SLC44A5: variants seen among roughly 807,000 people sequenced by gnomAD.
SLC44A5 encodes choline transporter-like protein 5.
Under a neutral mutation model 101.8 loss-of-function variants are expected in SLC44A5, and 57 were observed. The ratio of observed to expected loss-of-function variants is 0.56; its 90% CI spans 0.45 to 0.70. The LOEUF is 0.70. Among genes scored for constraint, SLC44A5 ranks in the 30% least tolerant of loss-of-function variants. The pLI is 0.00. For missense variants in SLC44A5, 737 were observed against 853.1 expected (o/e 0.86, Z 1.70); for synonymous variants, 281 against 290.9 (o/e 0.97, Z 0.35).
At chr1:75,306,516 C>T (rs960824029) in intron 4 of SLC44A5, among the ~76,000 whole-genome samples, 1 of 151,770 alleles carries the variant, frequency 6.6e-6, no homozygotes, top group African/African-American at 2.4e-5. Flanking sequence ...GCTATCTGGA[C>T]ATTGCTATCT....
At chr1:75,709,133 G>A in the SLC44A5 span, among the ~76,000 whole-genome samples, 1 of 151,686 alleles carries the variant, frequency 6.6e-6, no homozygotes, top group South Asian at 2.1e-4. Flanking sequence ...GATTCTCCTG[G>A]TTGAAACTTT....
At chr1:75,395,764 C>G (rs564877334) in intron 3 of SLC44A5, among the ~76,000 whole-genome samples, 1 of 152,018 alleles carries the variant, frequency 6.6e-6, no homozygotes, top group Non-Finnish European at 1.5e-5. Context: ...TTAACATATC[C>G]ATCACCTTGC....
At chr1:75,544,928 T>G (rs1171035780) in intron 1 of SLC44A5, among the ~76,000 whole-genome samples, 1 of 152,138 alleles carries the variant, frequency 6.6e-6, no homozygotes, top group Admixed American at 6.6e-5. Context: ...CATAGGTGTA[T>G]ACACGTGCCA....
At chr1:75,360,292 T>C (rs190844739) in intron 3 of SLC44A5, among the ~76,000 whole-genome samples, 1 of 152,278 alleles carries the variant, frequency 6.6e-6, no homozygotes, top group East Asian at 1.9e-4. Flanking sequence ...AGTAGTTTTA[T>C]AGTTTCAGGT....
intron 1 of SLC44A5, among the ~76,000 whole-genome samples, chr1:75,581,265 T>A (rs1043655400): frequency 6.6e-6 from 1 of 152,178 alleles, no homozygotes; most frequent in African/African-American, 2.4e-5. Flanking sequence ...TATTATACTA[T>A]ATGATCAAGC....
At chr1:75,600,363 T>A (rs1269095836) in intron 1 of SLC44A5, among the ~76,000 whole-genome samples, 1 of 152,206 alleles carries the variant, frequency 6.6e-6, no homozygotes, top group Admixed American at 6.5e-5. Context: ...GTAGGACCAC[T>A]TGTTTTCCAA....
intron 1 of SLC44A5, among the ~76,000 whole-genome samples, chr1:75,544,083 C>A (rs1342925606): frequency 6.6e-6 from 1 of 152,056 alleles, no homozygotes; most frequent in East Asian, 1.9e-4. Flanking sequence ...GCCATTGTAA[C>A]AATATTAAGA....
intron 2 of SLC44A5, among the ~76,000 whole-genome samples, chr1:75,538,974 G>A (rs571398129): frequency 1.1e-4 from 16 of 152,124 alleles, no homozygotes; most frequent in Non-Finnish European, 1.9e-4. Context: ...TGCCCCAGGA[G>A]CACCATGGTT....
chr1:75,552,202 G>A (rs185375866), intron 1 of SLC44A5, among the ~76,000 whole-genome samples: 12 of 152,148 alleles, frequency 7.9e-5, no homozygotes, highest in East Asian at 1.9e-4. Flanking sequence ...GTCAGCAAAC[G>A]TGCCTCACCA....
chr1:75,348,513 A>T (rs1025772770), intron 3 of SLC44A5, among the ~76,000 whole-genome samples: 1 of 152,184 alleles, frequency 6.6e-6, no homozygotes, highest in African/African-American at 2.4e-5. Context: ...AAAGATGAGG[A>T]AAAACACCTC....
intron 1 of SLC44A5, among the ~76,000 whole-genome samples, chr1:75,544,300 C>T (rs536283413): frequency 8.5e-5 from 13 of 152,248 alleles, no homozygotes; most frequent in Admixed American, 6.5e-4. Flanking sequence ...TGCAGCCTCT[C>T]GATCTTAGAC....
chr1:75,699,885 A>C, the SLC44A5 span, among the ~76,000 whole-genome samples: 2 of 152,140 alleles, frequency 1.3e-5, no homozygotes, highest in Non-Finnish European at 2.9e-5. Context: ...ACTTTTAACC[A>C]ACAAAGATCA....
chr1:75,278,967 G>A (rs933266073), intron 5 of SLC44A5, among the ~76,000 whole-genome samples: 1 of 152,028 alleles, frequency 6.6e-6, no homozygotes, highest in Non-Finnish European at 1.5e-5. Flanking sequence ...TACACATGAT[G>A]TTTTGATACA....
intron 3 of SLC44A5, among the ~76,000 whole-genome samples, chr1:75,352,657 T>C (rs948759231): frequency 6.6e-6 from 1 of 152,052 alleles, no homozygotes; most frequent in African/African-American, 2.4e-5. Context: ...GACAAAGATA[T>C]GGAGTCTTAT....
the SLC44A5 span, chr1:75,720,500 G>T: frequency 6.6e-6 from 1 of 152,294 alleles, no homozygotes; most frequent in African/African-American, 2.4e-5. Flanking sequence ...CAAAAATGTA[G>T]ATGAAAGATT....
intron 1 of SLC44A5, among the ~76,000 whole-genome samples, chr1:75,606,482 C>T (rs6698829): frequency 0.34 from 51,610 of 151,788 alleles, 9,157 homozygotes; most frequent in Non-Finnish European, 0.4. Context: ...AGGAATAAAA[C>T]CCACTATTAT....
chr1:75,218,168 C>T lies in SLC44A5; in HGVS notation c.1530-208G>A, dbSNP rs1022479140. 2.0e-5 allele frequency among the ~76,000 whole-genome samples: 3 copies of T among 152,132 alleles called. No homozygotes were observed. The East Asian group carries it at 5.8e-4, about 29-fold the overall frequency. On this transcript the variant is annotated intron_variant, in intron 17 of 23. Transcript: ENST00000370859. ...TTACCCTTTATCAGCATAAATGACACCAATAGTCTATCATCATAAAATAGG... is the reference window on the plus strand; with the variant it reads ...TTACCCTTTATCAGCATAAATGACATCAATAGTCTATCATCATAAAATAGG...
intron 5 of SLC44A5, among the ~76,000 whole-genome samples, chr1:75,289,270 G>A (rs912056992): frequency 2.0e-5 from 3 of 152,224 alleles, no homozygotes; most frequent in Admixed American, 6.5e-5. Flanking sequence ...ATACCTGTCA[G>A]AGAACAAGAT....
chr1:75,594,819 A>G lies in SLC44A5; in HGVS notation c.-70+16221T>C, dbSNP rs545799201. On this transcript the variant is annotated intron_variant, in intron 1 of 23. Coordinates refer to ENST00000370859, the MANE Select transcript of SLC44A5 (RefSeq NM_001130058.2). ...AGTAAAAAAGAAAGATTATTAAACTAACAATGTTAACCAGTAACAACCTGA... is the reference window on the plus strand; with the variant it reads ...AGTAAAAAAGAAAGATTATTAAACTGACAATGTTAACCAGTAACAACCTGA... 2.0e-5 allele frequency among the ~76,000 whole-genome samples: 3 copies of G among 151,980 alleles called. No individual in the cohort carries two copies. In the East Asian group the frequency reaches 5.8e-4, roughly 29 times the overall value.
Sources: allele counts gnomAD v4.1 joint callset (sites outside exome capture counted in the v4.1 genomes callset), GRCh38; gene constraint gnomAD v4.1.1; transcripts MANE v1.5; gene names NCBI Gene and HGNC (gene_info 2026-07-23, HGNC 2026-07-21).